NKAIN3: variants seen among roughly 807,000 people sequenced by gnomAD.
NKAIN3 encodes the protein sodium/potassium transporting ATPase interacting 3.
In NKAIN3, 25 loss-of-function variants were observed where a neutral mutation model predicts 30.2. The ratio of observed to expected loss-of-function variants is 0.83; its 90% CI spans 0.60 to 1.16. The LOEUF (loss-of-function observed/expected upper bound fraction) is 1.16. Ranked by LOEUF, NKAIN3 falls within the 50% of genes most tolerant of loss-of-function variation. The probability of loss-of-function intolerance (pLI) is 0.00; values close to 1 mark genes in which losing one functional copy is unlikely to be tolerated. For synonymous variants in NKAIN3, 91 were observed against 89.6 expected (o/e 1.02, Z -0.09); for missense variants, 225 against 254.1 (o/e 0.89, Z 0.78).
chr8:62,462,846 G>A (rs1321013114), intron 1 of NKAIN3, among the ~76,000 whole-genome samples: 9 of 152,154 alleles, frequency 5.9e-5, no homozygotes, highest in African/African-American at 4.8e-5. Context: ...GGCAGCAACC[G>A]GCCTCTTTTC....
intron 4 of NKAIN3, among the ~76,000 whole-genome samples, chr8:62,883,793 G>T (rs896395104): frequency 6.6e-6 from 1 of 151,672 alleles, no homozygotes; most frequent in Admixed American, 6.6e-5. Flanking sequence ...GATTTAAATT[G>T]CTCTTCTTTT....
At chr8:62,786,307 G>T (rs537847208) in intron 4 of NKAIN3, among the ~76,000 whole-genome samples, 3 of 152,162 alleles carry the variant, frequency 2.0e-5, no homozygotes, top group Non-Finnish European at 2.9e-5. Flanking sequence ...GTATAGTACT[G>T]AATTGTTTTT....
At chr8:62,708,446 A>T (rs751581575) in intron 3 of NKAIN3, among the ~76,000 whole-genome samples, 2 of 151,990 alleles carry the variant, frequency 1.3e-5, no homozygotes, top group Non-Finnish European at 2.9e-5. Flanking sequence ...TCAACCCCTT[A>T]GTTAGGTATA....
At chr8:62,831,814 T>G (rs2130746127) in intron 4 of NKAIN3, among the ~76,000 whole-genome samples, 1 of 152,252 alleles carries the variant, frequency 6.6e-6, no homozygotes, top group African/African-American at 2.4e-5. Flanking sequence ...TTCAATAAAA[T>G]TTCCTTAACT....
chr8:62,585,875 C>T (rs997216266), intron 2 of NKAIN3, among the ~76,000 whole-genome samples: 2 of 152,094 alleles, frequency 1.3e-5, no homozygotes, highest in African/African-American at 2.4e-5. Context: ...CTGTTTACTC[C>T]TCGGTCAAAT....
intron 1 of NKAIN3, among the ~76,000 whole-genome samples, chr8:62,462,235 A>G (rs1330007324): frequency 2.0e-5 from 3 of 152,112 alleles, no homozygotes; most frequent in Non-Finnish European, 4.4e-5. Context: ...CCATTTTTTC[A>G]AAGAAGTTAG....
intron 1 of NKAIN3, among the ~76,000 whole-genome samples, chr8:62,352,479 A>G (rs1214970404): frequency 6.6e-6 from 1 of 152,206 alleles, no homozygotes; most frequent in Middle Eastern, 3.2e-3. Flanking sequence ...TATGGAGCCA[A>G]TGAATCAAAT....
intron 1 of NKAIN3, among the ~76,000 whole-genome samples, chr8:62,558,789 T>G (rs1211890733): frequency 6.6e-6 from 1 of 152,072 alleles, no homozygotes; most frequent in African/African-American, 2.4e-5. Flanking sequence ...TGATTTGAAC[T>G]TTTTCTTTTT....
chr8:62,539,846 T>C (rs1808785335), intron 1 of NKAIN3, among the ~76,000 whole-genome samples: 1 of 152,160 alleles, frequency 6.6e-6, no homozygotes, highest in Non-Finnish European at 1.5e-5. Context: ...TCTGAAAGTG[T>C]TGGGATTCAG....
At chr8:62,631,019 T>C (rs1480197) in intron 3 of NKAIN3, among the ~76,000 whole-genome samples, 144,478 of 152,212 alleles carry the variant, frequency 0.95, 68,657 homozygotes, top group East Asian at 1. Flanking sequence ...TTCCAAGTCT[T>C]CCATTTACTA....
chr8:62,786,774 G>A (rs891904468), intron 4 of NKAIN3, among the ~76,000 whole-genome samples: 1 of 152,176 alleles, frequency 6.6e-6, no homozygotes, highest in Non-Finnish European at 1.5e-5. Context: ...TAACATGCAT[G>A]GTGTCAGTAA....
chr8:62,923,940 T>C (rs1822359911), intron 5 of NKAIN3, among the ~76,000 whole-genome samples: 1 of 152,148 alleles, frequency 6.6e-6, no homozygotes. Flanking sequence ...GCAAACCAAC[T>C]GGAGATTCCC....
intron 1 of NKAIN3, among the ~76,000 whole-genome samples, chr8:62,507,209 G>A (rs970815201): frequency 3.3e-5 from 5 of 152,144 alleles, no homozygotes; most frequent in Non-Finnish European, 7.4e-5. Flanking sequence ...AATCTTGGAA[G>A]TTATGAGTAC....
intron 5 of NKAIN3, among the ~76,000 whole-genome samples, chr8:62,991,264 G>C (rs964795000): frequency 7.9e-5 from 12 of 152,210 alleles, no homozygotes; most frequent in Admixed American, 6.5e-5. Context: ...AGGAAACCAT[G>C]AGAGGGTGTT....
chr8:62,288,182 G>C (rs1160647495), intron 1 of NKAIN3, among the ~76,000 whole-genome samples: 2 of 151,990 alleles, frequency 1.3e-5, no homozygotes, highest in Non-Finnish European at 2.9e-5. Flanking sequence ...GTTGGACTGT[G>C]GGCTTCGTGA....
chr8:62,409,168 A>G (rs568530430), intron 1 of NKAIN3, among the ~76,000 whole-genome samples: 3 of 152,192 alleles, frequency 2.0e-5, no homozygotes, highest in African/African-American at 7.2e-5. Context: ...GACTTTCTGT[A>G]TAATATTTAT....
intron 1 of NKAIN3, among the ~76,000 whole-genome samples, chr8:62,490,647 T>G (rs779686587): frequency 5.3e-5 from 8 of 152,144 alleles, no homozygotes; most frequent in Non-Finnish European, 1.2e-4. Flanking sequence ...AAAACAGAAA[T>G]TCATGAATGT....
intron 4 of NKAIN3, among the ~76,000 whole-genome samples, chr8:62,773,650 A>G (rs143508184): frequency 6.6e-6 from 1 of 152,200 alleles, no homozygotes; most frequent in Non-Finnish European, 1.5e-5. Flanking sequence ...ATGATAGTGA[A>G]TAAGTCTCAC....
At chr8:62,777,092 T>A (rs1817216211) in intron 4 of NKAIN3, among the ~76,000 whole-genome samples, 1 of 152,194 alleles carries the variant, frequency 6.6e-6, no homozygotes, top group African/African-American at 2.4e-5. Context: ...TCATTTCATG[T>A]TATTTGTTTT....
Sources: gnomAD v4.1 joint callset for allele counts (sites outside exome capture counted in the v4.1 genomes callset) on GRCh38, gnomAD v4.1.1 for gene constraint, MANE v1.5 for transcripts, NCBI Gene and HGNC (gene_info 2026-07-23, HGNC 2026-07-21) for gene names.